The following PPP6R3 variants were observed in gnomAD, a reference collection of about 807,000 sequenced individuals.
PPP6R3 encodes the protein serine/threonine-protein phosphatase 6 regulatory subunit 3.
PPP6R3 carries 38 observed loss-of-function variants against 110.7 expected under a neutral mutation model. The observed-to-expected ratio is 0.34, with a 90% CI of 0.26 to 0.45. The LOEUF is 0.45. Among genes scored for constraint, PPP6R3 ranks in the 20% least tolerant of loss-of-function variants. PPP6R3 has a pLI of 1.00. For missense variants in PPP6R3, 870 were observed against 1,062.4 expected, an observed-to-expected ratio of 0.82 and a Z score of 2.52; for synonymous variants, 369 against 373.5, an observed-to-expected ratio of 0.99 and a Z score of 0.14.
At chr11:68,538,053 G>GT (rs11403965) in intron 3 of PPP6R3, among the ~76,000 whole-genome samples, 162 bp downstream of exon 3, 94,898 of 152,048 alleles carry the variant, frequency 0.62, 30,700 homozygotes, top group South Asian at 0.8. Flanking sequence ...CATTCTAGCA[G>GT]TAAGTCCAGG....
intron 15 of PPP6R3, chr11:68,586,661 T>A (rs944288466): frequency 6.6e-6 from 1 of 152,082 alleles, no homozygotes; most frequent in Non-Finnish European, 1.5e-5. Flanking sequence ...ACTAGACATA[T>A]AGAGCTTTTC....
chr11:68,461,150 C>T (rs1443736565), intron 1 of PPP6R3, among the ~76,000 whole-genome samples: 3 of 150,852 alleles, frequency 2.0e-5, no homozygotes, highest in African/African-American at 7.3e-5. Context: ...GCGCCCCTGA[C>T]CCGGCTCTGG....
At chr11:68,612,974 G>C (rs1944328004) in intron 23 of PPP6R3, 92 bp from the exon 24 acceptor site, 2 of 1,587,248 alleles carry the variant, frequency 1.3e-6, no homozygotes, top group Middle Eastern at 1.7e-4. Flanking sequence ...GTTAAAATAA[G>C]TTGTCCCTGC....
At chr11:68,552,905 A>G (rs767492545) in intron 6 of PPP6R3, among the ~76,000 whole-genome samples, 51 of 152,240 alleles carry the variant, frequency 3.3e-4, no homozygotes, top group Non-Finnish European at 6.8e-4. Flanking sequence ...CATTGTGGAC[A>G]TGAGTACCTT....
intron 23 of PPP6R3, among the ~76,000 whole-genome samples, 191 bp downstream of exon 23, chr11:68,610,214 G>A (rs562976038): frequency 1.3e-5 from 2 of 152,336 alleles, no homozygotes; most frequent in African/African-American, 4.8e-5. Context: ...AGAAACAGCA[G>A]TTCCTCTCCT....
chr11:68,527,899 C>T (rs1043085345), intron 2 of PPP6R3, among the ~76,000 whole-genome samples: 19 of 152,176 alleles, frequency 1.2e-4, no homozygotes, highest in African/African-American at 3.9e-4. Flanking sequence ...AGGGAGGCGT[C>T]GCCTGGCCTG....
At position 68,574,172 on chromosome 11, in the gene PPP6R3, G is replaced by A. The variant is rs1301974017; in HGVS notation, c.1407G>A (p.Val469=). The A allele has an allele frequency of 2.5e-6, 4 of 1,614,054 alleles. No individual in the cohort carries two copies. Among genetic ancestry groups the A allele is most frequent in the Non-Finnish European group, 2.5e-6 (3 of 1,179,950 alleles). Residue 469 remains valine, a synonymous_variant, in exon 13 of 24, where the codon GTG becomes GTA. Transcript: ENST00000393800. The part of the protein sequence containing the change: ...GHLTRIANCI[V]HSTDKGPNSA... Reference sequence around the variant, plus strand: ...TAACGAGGATAGCTAACTGTATCGTGCACAGCACTGACAAGGGCCCCAACA... The same window carrying A: ...TAACGAGGATAGCTAACTGTATCGTACACAGCACTGACAAGGGCCCCAACA...
At chr11:68,588,101 AT>A (rs2099584270) in intron 16 of PPP6R3, 77 bp downstream of exon 16, 1 of 1,305,698 alleles carries the variant, frequency 7.7e-7, no homozygotes, top group South Asian at 1.2e-5. Flanking sequence ...ATTCTGCGGG[AT>A]TCTTAGTCTT....
At chr11:68,569,919 T>A (rs1439979710) in intron 11 of PPP6R3, 22 bp downstream of exon 11, 11 of 1,590,908 alleles carry the variant, frequency 6.9e-6, no homozygotes, top group East Asian at 2.3e-5. Flanking sequence ...TGGTCTCGTT[T>A]TTCTCCCACT....
At chr11:68,552,274 G>C (rs2099384326) in intron 6 of PPP6R3, among the ~76,000 whole-genome samples, 2 of 152,226 alleles carry the variant, frequency 1.3e-5, no homozygotes, top group South Asian at 4.1e-4. Context: ...CTAGGTTGCA[G>C]GTTAGATGGG....
chr11:68,605,498 T>C (rs1409957699), intron 22 of PPP6R3, among the ~76,000 whole-genome samples: 1 of 152,200 alleles, frequency 6.6e-6, no homozygotes, highest in Non-Finnish European at 1.5e-5. Context: ...AAATTAGATA[T>C]TTTGTCTCAA....
intron 6 of PPP6R3, among the ~76,000 whole-genome samples, chr11:68,553,323 C>T (rs768893809): frequency 3.0e-5 from 4 of 133,592 alleles, no homozygotes; most frequent in Admixed American, 7.9e-5. Context: ...GACGGAGTTT[C>T]GCTTTTGTTG....
At chr11:68,602,395 T>G (rs970011874) in intron 21 of PPP6R3, among the ~76,000 whole-genome samples, 1 of 152,238 alleles carries the variant, frequency 6.6e-6, no homozygotes, top group Non-Finnish European at 1.5e-5. Flanking sequence ...GATTGAATAG[T>G]CCTGGGAATC....
chr11:68,601,771 C>T (rs2099632540), intron 20 of PPP6R3, 92 bp from the exon 21 acceptor site: 2 of 1,066,530 alleles, frequency 1.9e-6, no homozygotes, highest in South Asian at 3.0e-5. Flanking sequence ...TGTCTCCTAA[C>T]AAAAACTTAC....
intron 14 of PPP6R3, among the ~76,000 whole-genome samples, chr11:68,579,401 A>G (rs1375686304): frequency 1.3e-5 from 2 of 152,268 alleles, no homozygotes; most frequent in African/African-American, 2.4e-5. Flanking sequence ...AAAGAAGATA[A>G]TATCTCCGAA....
At chr11:68,570,954 T>TA in intron 11 of PPP6R3, 86 bp from the exon 12 acceptor site, 1 of 1,475,732 alleles carries the variant, frequency 6.8e-7, no homozygotes, top group Non-Finnish European at 9.0e-7. Context: ...TGCATACTAC[T>TA]ATTCTCTTTA....
chr11:68,600,537 C>A (rs777479534), intron 20 of PPP6R3, 43 bp downstream of exon 20: 2 of 1,576,974 alleles, frequency 1.3e-6, no homozygotes, highest in Non-Finnish European at 1.7e-6. Flanking sequence ...CACGGGGGAC[C>A]TGGGAATGGT....
At position 68,559,195 on chromosome 11, in the gene PPP6R3, G is replaced by A. The variant is rs2099409985; in HGVS notation, c.845+516G>A. Reference sequence around the variant, plus strand: ...GCTGTCTTAAAATGCATGGGCAGGTGGCTTGAGCTTTGAGGACAAATTTCT... The same window carrying A: ...GCTGTCTTAAAATGCATGGGCAGGTAGCTTGAGCTTTGAGGACAAATTTCT... On this transcript the variant is annotated intron_variant, in intron 8 of 23. Transcript: ENST00000393800. Among the ~76,000 whole-genome samples, 3 of 152,340 alleles carry A rather than the reference G, an allele frequency of 2.0e-5. No homozygotes were observed. The South Asian group carries it at 6.2e-4, about 32-fold the overall frequency.
intron 2 of PPP6R3, among the ~76,000 whole-genome samples, chr11:68,530,402 CAAT>C (rs2099231254): frequency 6.6e-6 from 1 of 152,142 alleles, no homozygotes; most frequent in Non-Finnish European, 1.5e-5. Context: ...TATTAAAAGT[CAAT>C]AACACATTTT....
Sources: gnomAD v4.1 joint callset for allele counts (sites outside exome capture counted in the v4.1 genomes callset) on GRCh38, gnomAD v4.1.1 for gene constraint, MANE v1.5 for transcripts, NCBI Gene and HGNC (gene_info 2026-07-23, HGNC 2026-07-21) for gene names.